Variants in AKAP8 observed in about 807,000 individuals in gnomAD.
The protein encoded by AKAP8 is A-kinase anchor protein 8.
AKAP8 carries 24 observed loss-of-function variants against 67.5 expected under a neutral mutation model. The observed-to-expected ratio is 0.36, with a 90% CI of 0.26 to 0.50. The LOEUF is 0.50. AKAP8 is among the 20% of genes least tolerant of loss of function. AKAP8 has a pLI of 0.97. For synonymous variants in AKAP8, 400 were observed against 371.1 expected (o/e 1.08, Z -0.90); for missense variants, 971 against 955.9 (o/e 1.02, Z -0.21).
chr19:15,360,967 C>G lies in AKAP8; in HGVS notation c.1408G>C (p.Glu470Gln). ...KPDPFKGIGQ[E>Q]HFFKKIEAAH... ...GCCTCGATCTTCTTGAAGAAGTGCT[C>G]CTGGCCAATCCCTGCCAGGAAACGC... The change falls in exon 12 of 14, where the codon GAG becomes CAG. Residue 470 changes from glutamate to glutamine, a missense_variant. Transcript: ENST00000269701. 1 of 1,612,902 alleles carries G rather than the reference C, an allele frequency of 6.2e-7. No homozygotes were observed. The highest frequency in any genetic ancestry group is 8.5e-7 in the Non-Finnish European group (1 of 1,179,638).
intron 9 of AKAP8, among the ~76,000 whole-genome samples, chr19:15,367,644 T>A (rs1235856299): frequency 2.6e-5 from 4 of 152,238 alleles, no homozygotes; most frequent in African/African-American, 9.6e-5. Context: ...ACTTAACTCC[T>A]GGCAGGGAGA....
At chr19:15,361,281 G>C (rs567500421) in intron 11 of AKAP8, among the ~76,000 whole-genome samples, 1 of 131,702 alleles carries the variant, frequency 7.6e-6, no homozygotes, top group Non-Finnish European at 1.6e-5. Flanking sequence ...TCTTTCCATT[G>C]CTGCTGAGCG....
Position 15,355,035 on chromosome 19 carries a change from G to A in AKAP8, c.1959C>T (p.Ala653=), listed in dbSNP as rs200376540. 7 of 1,614,078 alleles carry A rather than the reference G, an allele frequency of 4.3e-6. No homozygotes were observed. The East Asian group carries it at 6.7e-5, about 15-fold the overall frequency. The change falls in exon 14 of 14, where the codon GCC becomes GCT. Residue 653 remains alanine (A), a synonymous_variant. Coordinates refer to ENST00000269701, the MANE Select transcript of AKAP8 (RefSeq NM_005858.4). ...RSEAAEAGNG[A]ETMAAEAESA... ...TTTCTGCCTCTGCTGCCATTGTCTC[G>A]GCGCCATTTCCAGCCTCTGCAGCCT... is the stretch of plus-strand genomic sequence containing the variant.
Position 15,357,160 on chromosome 19 carries a change from C to T in AKAP8, c.1624-1790G>A, listed in dbSNP as rs145292211. Among the ~76,000 whole-genome samples, 1,243 of 151,372 alleles carry T rather than the reference C, an allele frequency of 8.2e-3. 10 individuals carry two copies. Among genetic ancestry groups the T allele is most frequent in the Non-Finnish European group, 0.013 (858 of 67,806 alleles). On this transcript the variant is annotated intron_variant, in intron 13 of 13. Coordinates refer to ENST00000269701, the MANE Select transcript of AKAP8 (RefSeq NM_005858.4). ...ATTTTTAGTAGAGATGGGGTTTCAC[C>T]ATCTTGGCCAGGCTGGTCTTGAACT...
intron 8 of AKAP8, 141 bp from the exon 9 acceptor site, chr19:15,368,463 C>A (rs938646753): frequency 1.7e-5 from 26 of 1,538,918 alleles, no homozygotes; most frequent in Non-Finnish European, 2.3e-5. Flanking sequence ...GTCCAGGATG[C>A]CCCAAGGCAC....
At chr19:15,378,382 C>G (rs897123779) in intron 1 of AKAP8, among the ~76,000 whole-genome samples, 3 of 152,132 alleles carry the variant, frequency 2.0e-5, no homozygotes, top group Non-Finnish European at 4.4e-5. Flanking sequence ...CACAAGAAAT[C>G]AGGGAAGCTT....
At chr19:15,370,216 G>A in intron 7 of AKAP8, 37 bp from the exon 8 acceptor site, 1 of 1,613,146 alleles carries the variant, frequency 6.2e-7, no homozygotes, top group Non-Finnish European at 8.5e-7. Context: ...GCAGTGAGCT[G>A]GTGTGTCCAG....
chr19:15,362,569 G>T (rs370434790), intron 9 of AKAP8, among the ~76,000 whole-genome samples: 1 of 140,616 alleles, frequency 7.1e-6, no homozygotes, highest in Non-Finnish European at 1.6e-5. Flanking sequence ...TGTGTTGGCC[G>T]GGCTGGTCTC....
rs1568253597 is a variant in AKAP8 at position 15,373,131 on chromosome 19, C to CGGCCCT, written c.575_580dup (p.Gln192_Gly193dup). The CGGCCCT allele has an allele frequency of 6.2e-7, 1 of 1,612,750 alleles. No individual in the cohort carries two copies. The highest frequency in any genetic ancestry group is 8.5e-7 in the Non-Finnish European group (1 of 1,179,878). Reference sequence around the variant, plus strand: ...GCCAGGGTTGCTCCGGTCCTGGAAGCGGCCCTGGCCCCGGCCCCGCATGAA... The same window carrying CGGCCCT: ...GCCAGGGTTGCTCCGGTCCTGGAAGCGGCCCTGGCCCTGGCCCCGGCCCCGCATGAA... On this transcript the variant is annotated inframe_insertion, in exon 5 of 14. Coordinates refer to ENST00000269701, the MANE Select transcript of AKAP8 (RefSeq NM_005858.4).
intron 1 of AKAP8, 162 bp downstream of exon 1, chr19:15,379,551 G>C (rs1221760091): frequency 5.6e-6 from 4 of 711,918 alleles, no homozygotes; most frequent in Non-Finnish European, 8.4e-6. Context: ...CGGCGCCAAA[G>C]CCCAATGAGC....
chr19:15,361,680 A>G (rs780353381), intron 11 of AKAP8, 49 bp downstream of exon 11: 20 of 1,533,056 alleles, frequency 1.3e-5, no homozygotes, highest in Non-Finnish European at 1.8e-5. Context: ...GTCCTGTCAC[A>G]TGCCTTACTA....
At chr19:15,366,905 A>T (rs1222671663) in intron 9 of AKAP8, among the ~76,000 whole-genome samples, 1 of 148,446 alleles carries the variant, frequency 6.7e-6, no homozygotes, top group African/African-American at 2.5e-5. Flanking sequence ...CACTGCCCCC[A>T]GCCCGTTTCT....
intron 9 of AKAP8, among the ~76,000 whole-genome samples, chr19:15,366,327 AG>A (rs1419925128): frequency 6.6e-6 from 1 of 152,138 alleles, no homozygotes. Context: ...ATAATTAAAA[AG>A]AAAATGTCAT....
intron 9 of AKAP8, among the ~76,000 whole-genome samples, chr19:15,363,787 G>A (rs1967021233): frequency 1.3e-5 from 2 of 152,096 alleles, no homozygotes; most frequent in Admixed American, 1.3e-4. Context: ...GTAGACGTGG[G>A]AGACTTTTCA....
chr19:15,374,375 C>T (rs921939399), intron 3 of AKAP8, among the ~76,000 whole-genome samples: 1 of 152,204 alleles, frequency 6.6e-6, no homozygotes, highest in African/African-American at 2.4e-5. Flanking sequence ...CACAAAGGAC[C>T]GCTGCTCCCA....
intron 9 of AKAP8, among the ~76,000 whole-genome samples, chr19:15,366,826 C>G (rs1462454952): frequency 1.3e-5 from 2 of 152,126 alleles, no homozygotes; most frequent in Non-Finnish European, 2.9e-5. Context: ...TCAGGCTGGT[C>G]TCGAACTCCC....
chr19:15,374,072 CAG>C lies in AKAP8; in HGVS notation c.92-9_92-8del, dbSNP rs1568254225. ...TAATTGTAGTTTTCATAACCTGTCA[CAG>C]GGGGAGGAGCCAAGTCAGACTTCAG... On this transcript the variant is annotated splice_region_variant and splice_polypyrimidine_tract_variant and intron_variant, in intron 3 of 13. Coordinates refer to ENST00000269701, the MANE Select transcript of AKAP8 (RefSeq NM_005858.4). The C allele has an allele frequency of 1.9e-5, 29 of 1,540,266 alleles. No individual in the cohort carries two copies. Among genetic ancestry groups the C allele is most frequent in the African/African-American group, 4.2e-5 (3 of 72,068 alleles).
At position 15,373,925 on chromosome 19, in the gene AKAP8, C is replaced by A. The variant is rs200946181; in HGVS notation, c.232G>T (p.Ala78Ser). The A allele has an allele frequency of 2.1e-4, 339 of 1,613,890 alleles. 1 individual carries two copies. In the East Asian group the frequency reaches 6.8e-3, roughly 32 times the overall value. ...LAAGAPAMHM[A>S]SYGPEPCTDN... ...GTGCATGGCTCTGGGCCGTAAGAGG[C>A]CATGTGCATGGCAGGGGCCCCGGCC... Residue 78 changes from alanine to serine, a missense_variant, in exon 4 of 14, where the codon GCC becomes TCC. Physicochemically the swap from Ala to Ser is moderately conservative, Grantham distance 99. Coordinates refer to ENST00000269701, the MANE Select transcript of AKAP8 (RefSeq NM_005858.4).
intron 9 of AKAP8, among the ~76,000 whole-genome samples, chr19:15,365,238 C>T (rs368142311): frequency 6.6e-6 from 1 of 152,174 alleles, no homozygotes. Flanking sequence ...CCTCATTTTA[C>T]GTGCAGACAA....
Sources: gnomAD v4.1 joint callset for allele counts (sites outside exome capture counted in the v4.1 genomes callset) on GRCh38, gnomAD v4.1.1 for gene constraint, MANE v1.5 for transcripts, NCBI Gene and HGNC (gene_info 2026-07-23, HGNC 2026-07-21) for gene names.